CAMTA1: variants seen among roughly 807,000 people sequenced by gnomAD.
The protein encoded by CAMTA1 is calmodulin binding transcription activator 1.
In CAMTA1, 27 loss-of-function variants were observed where a neutral mutation model predicts 170.9. The ratio of observed to expected loss-of-function variants is 0.16; its 90% CI spans 0.12 to 0.22. CAMTA1 has a LOEUF of 0.22. Among genes scored for constraint, CAMTA1 ranks in the 10% least tolerant of loss-of-function variants. CAMTA1 has a pLI of 1.00. For missense variants in CAMTA1, 1,619 were observed against 2,217.2 expected (o/e 0.73, Z 5.42); for synonymous variants, 833 against 891.5 (o/e 0.93, Z 1.17).
intron 6 of CAMTA1, among the ~76,000 whole-genome samples, chr1:7,566,586 T>C (rs2095045547): frequency 6.6e-6 from 1 of 151,588 alleles, no homozygotes; most frequent in Non-Finnish European, 1.5e-5. Flanking sequence ...TCCAAGAAAA[T>C]CACATGACCA....
chr1:7,754,930 A>C (rs2096921043), intron 21 of CAMTA1, among the ~76,000 whole-genome samples: 1 of 152,152 alleles, frequency 6.6e-6, no homozygotes, highest in Non-Finnish European at 1.5e-5. Context: ...TTTCTTTAGG[A>C]TGTGTGTAAT....
At position 7,463,564 on chromosome 1, in the gene CAMTA1, C is replaced by T. The variant is rs1179104829; in HGVS notation, c.439-4266C>T. 6.6e-6 allele frequency among the ~76,000 whole-genome samples: 1 copy of T among 151,790 alleles called. No homozygotes were observed. The highest frequency in any genetic ancestry group is 1.9e-4 in the East Asian group (1 of 5,182). On this transcript the variant is annotated intron_variant, in intron 5 of 22. Transcript: ENST00000303635. This position sits in a 1 kb window ranked among gnomAD's most constrained non-coding sequence, Gnocchi z 4.7. ...AGACAGAGAGAGAAAGAAGATGAGA[C>T]AGATACAGAGATAGAGAAAGATAGA...
At chr1:7,601,502 G>A (rs1234829526) in intron 6 of CAMTA1, among the ~76,000 whole-genome samples, 29 of 148,634 alleles carry the variant, frequency 2.0e-4, no homozygotes, top group African/African-American at 5.2e-4. Context: ...GACGATGGGC[G>A]GCCAGGCAGA....
At chr1:6,861,985 C>T (rs1257001979) in intron 3 of CAMTA1, among the ~76,000 whole-genome samples, 4 of 144,824 alleles carry the variant, frequency 2.8e-5, no homozygotes, top group African/African-American at 7.7e-5. Flanking sequence ...TTTTTTGAGA[C>T]GGAGTCTTAC....
At chr1:7,699,631 A>G (rs1007230179) in intron 11 of CAMTA1, among the ~76,000 whole-genome samples, 5 of 152,110 alleles carry the variant, frequency 3.3e-5, no homozygotes, top group Admixed American at 3.3e-4. Context: ...TTACATTTCC[A>G]CCACCAGTGT....
intron 3 of CAMTA1, among the ~76,000 whole-genome samples, chr1:6,885,050 G>T (rs138681595): frequency 6.6e-6 from 1 of 152,204 alleles, no homozygotes; most frequent in Non-Finnish European, 1.5e-5. Context: ...TGGATACCAA[G>T]AAGTGGAAAT....
intron 5 of CAMTA1, among the ~76,000 whole-genome samples, chr1:7,405,913 C>T (rs754521879): frequency 5.9e-5 from 9 of 152,178 alleles, no homozygotes; most frequent in African/African-American, 1.9e-4. Flanking sequence ...GCACCGTTCT[C>T]GAAGCAGCTG....
In CAMTA1 at chr1:6,953,257, C is replaced by G. The variant is rs976850208; in HGVS notation, c.234+128047C>G. Among the ~76,000 whole-genome samples, 7 of 152,330 alleles carry G rather than the reference C, an allele frequency of 4.6e-5. No homozygotes were observed. The South Asian group carries it at 8.3e-4, about 18-fold the overall frequency. On this transcript the variant is annotated intron_variant, in intron 3 of 22. Transcript: ENST00000303635. ...CCCAGTCTGAGACCTAGAACAGATT[C>G]TAGAAACTGTCGAGAGCTCTCTCTT...
rs769661361 is a variant in CAMTA1, at chr1:7,663,378, G to A, written c.831G>A (p.Lys277=). 1 of 1,532,020 alleles carries A rather than the reference G, an allele frequency of 6.5e-7. No homozygotes were observed. Among genetic ancestry groups the A allele is most frequent in the Non-Finnish European group, 8.8e-7 (1 of 1,137,110 alleles). 94.9% of individuals were successfully genotyped at this position (1,532,020 alleles called of 1,614,324 possible). ...SLGAGGSVHH[K]CNSAKHRIIS... is the part of the protein sequence containing the mutation. ...GAGCTGGCGGCAGCGTGCATCACAA[G>A]TGTAACAGCGCCAAACACCGCATCA... Residue 277 remains lysine (K), a synonymous_variant, in exon 9 of 23, where the codon AAG becomes AAA. Coordinates refer to ENST00000303635, the MANE Select transcript of CAMTA1 (RefSeq NM_015215.4).
intron 3 of CAMTA1, among the ~76,000 whole-genome samples, chr1:7,081,933 T>C (rs1329207949): frequency 1.3e-5 from 2 of 152,242 alleles, no homozygotes; most frequent in African/African-American, 4.8e-5. Context: ...TTGTGACCTT[T>C]GCTTCTGAGA....
At chr1:7,709,812 T>G (rs144983375) in intron 11 of CAMTA1, among the ~76,000 whole-genome samples, 1 of 152,336 alleles carries the variant, frequency 6.6e-6, no homozygotes, top group East Asian at 1.9e-4. Context: ...CCATTAGTGG[T>G]TCAGAAAAGC....
chr1:7,499,309 A>AGC (rs1553183410), intron 6 of CAMTA1, among the ~76,000 whole-genome samples: 1 of 57,608 alleles, frequency 1.7e-5, no homozygotes, highest in African/African-American at 7.3e-5. Flanking sequence ...TATGTATATG[A>AGC]GTGTGTGTGC....
At chr1:7,310,725 T>TC (rs1676571961) in intron 5 of CAMTA1, among the ~76,000 whole-genome samples, 2 of 117,776 alleles carry the variant, frequency 1.7e-5, no homozygotes, top group African/African-American at 7.3e-5. Context: ...TTTCTTTCTT[T>TC]CTTTCTTTCT....
chr1:7,288,913 T>C (rs1672721322), intron 5 of CAMTA1, among the ~76,000 whole-genome samples: 1 of 152,110 alleles, frequency 6.6e-6, no homozygotes, highest in Admixed American at 6.5e-5. Context: ...TGAGATTGGG[T>C]AATTTATAAA....
intron 3 of CAMTA1, among the ~76,000 whole-genome samples, chr1:7,015,753 G>A (rs1182280114): frequency 4.6e-5 from 7 of 152,310 alleles, no homozygotes; most frequent in Non-Finnish European, 7.3e-5. Flanking sequence ...TACAGGAAGC[G>A]TGGCTGGGGA....
intron 22 of CAMTA1, among the ~76,000 whole-genome samples, chr1:7,765,271 AT>A (rs1334355650): frequency 1.3e-5 from 2 of 152,176 alleles, no homozygotes; most frequent in Admixed American, 1.3e-4. Flanking sequence ...CAGGTTCGTA[AT>A]TGTCAGTGTA....
At position 7,737,301 on chromosome 1, in the gene CAMTA1, A is replaced by G. The variant is rs760602942; in HGVS notation, c.3389A>G (p.Tyr1130Cys). The change falls in exon 15 of 23, where the codon TAC (tyrosine) becomes TGC (cysteine). Residue 1130 changes from tyrosine (Y) to cysteine (C), a missense_variant. This residue lies in a region of CAMTA1 where 60 missense variants were observed against 128.5 expected (regional missense o/e 0.47). Transcript: ENST00000303635. ...CACTTGGAAGCTGCCGTCGTGCTGT[A>G]CAAGTGGGACCGTCGGGCCATCTCG... ...LGHLEAAVVL[Y>C]KWDRRAISIP... The G allele has an allele frequency of 1.2e-5, 20 of 1,614,028 alleles. No homozygotes were observed. In the South Asian group the frequency reaches 2.2e-4, roughly 18 times the overall value.
chr1:7,643,089 C>T (rs188502890), intron 7 of CAMTA1, among the ~76,000 whole-genome samples: 1 of 152,032 alleles, frequency 6.6e-6, no homozygotes, highest in Non-Finnish European at 1.5e-5. Flanking sequence ...TGACCAGGGT[C>T]CAGGTGCTTC....
intron 6 of CAMTA1, among the ~76,000 whole-genome samples, chr1:7,591,024 G>A (rs1398666375): frequency 2.6e-5 from 4 of 152,150 alleles, no homozygotes; most frequent in Non-Finnish European, 4.4e-5. Context: ...CACAACCCAG[G>A]ACCAGAAACT....
Sources: allele counts gnomAD v4.1 joint callset (sites outside exome capture counted in the v4.1 genomes callset), GRCh38; gene constraint gnomAD v4.1.1; regional missense constraint gnomAD v4.1.1; non-coding constraint Gnocchi (gnomAD v3.1); transcripts MANE v1.5; gene names NCBI Gene and HGNC (gene_info 2026-07-23, HGNC 2026-07-21).